Variants in NKAIN3 observed in about 807,000 individuals in gnomAD.
NKAIN3 encodes the protein sodium/potassium-transporting ATPase subunit beta-1-interacting protein 3.
In NKAIN3, 25 loss-of-function variants were observed where a neutral mutation model predicts 30.2. That is an observed-to-expected ratio of 0.83 (90% confidence interval 0.60 to 1.16). The LOEUF is 1.16. NKAIN3 is among the 50% of genes most tolerant of loss of function. The pLI is 0.00. For synonymous variants in NKAIN3, 91 were observed against 89.6 expected (o/e 1.02, Z -0.09); for missense variants, 225 against 254.1 (o/e 0.89, Z 0.78).
chr8:62,685,422 G>A (rs1813769063), intron 3 of NKAIN3, among the ~76,000 whole-genome samples: 2 of 152,116 alleles, frequency 1.3e-5, no homozygotes, highest in Non-Finnish European at 2.9e-5. Context: ...TCACAACTGA[G>A]GAAAGTGATT....
intron 3 of NKAIN3, among the ~76,000 whole-genome samples, chr8:62,707,344 A>G (rs1814564523): frequency 6.6e-6 from 1 of 152,104 alleles, no homozygotes; most frequent in African/African-American, 2.4e-5. Context: ...CTTTCCCACC[A>G]TCAGTGTAGC....
chr8:62,775,161 ATTCT>A (rs1461287533), intron 4 of NKAIN3, among the ~76,000 whole-genome samples: 2 of 151,902 alleles, frequency 1.3e-5, no homozygotes, highest in Admixed American at 6.6e-5. Context: ...AATTTATCTA[ATTCT>A]TCTAAACTTT....
In NKAIN3 at chr8:62,991,131, C is replaced by T. The variant is rs188077193; in HGVS notation, c.533-8100C>T. 3.3e-5 allele frequency: 5 copies of T among 152,356 alleles called. No homozygotes were observed. The East Asian group carries it at 9.7e-4, about 29-fold the overall frequency. The allele number at this position is 152,356 out of a possible 1,614,324, so 9.4% of individuals were successfully genotyped here. On this transcript the variant is annotated intron_variant, in intron 5 of 5. Transcript: ENST00000519049. ...CAATGTTCAGGGAACTGAGAGGAGC[C>T]CTCTGTGGTTGAGCCTAGTAAGTTT...
At chr8:62,263,181 G>A (rs866855801) in intron 1 of NKAIN3, among the ~76,000 whole-genome samples, 1 of 152,006 alleles carries the variant, frequency 6.6e-6, no homozygotes, top group African/African-American at 2.4e-5. Flanking sequence ...TTTAAACTTT[G>A]TATTTTTATA....
At chr8:62,542,381 GT>G (rs202075583) in intron 1 of NKAIN3, among the ~76,000 whole-genome samples, 1 of 151,770 alleles carries the variant, frequency 6.6e-6, no homozygotes, top group South Asian at 2.1e-4. Flanking sequence ...ACTGTTCTTT[GT>G]TTTTTTTGGA....
At chr8:62,343,866 G>A (rs759472812) in intron 1 of NKAIN3, among the ~76,000 whole-genome samples, 2 of 152,010 alleles carry the variant, frequency 1.3e-5, no homozygotes, top group Non-Finnish European at 2.9e-5. Context: ...ATTTGAAAGT[G>A]AGTATAAAAT....
intron 3 of NKAIN3, among the ~76,000 whole-genome samples, chr8:62,668,927 A>G (rs1168154448): frequency 1.3e-5 from 2 of 152,210 alleles, no homozygotes; most frequent in African/African-American, 4.8e-5. Flanking sequence ...GTAAATCAAT[A>G]GCACTTATTT....
chr8:62,280,899 A>G (rs1813155984), intron 1 of NKAIN3, among the ~76,000 whole-genome samples: 1 of 152,182 alleles, frequency 6.6e-6, no homozygotes, highest in Non-Finnish European at 1.5e-5. Context: ...AAAATGAGTT[A>G]GGGAGGATTC....
intron 4 of NKAIN3, among the ~76,000 whole-genome samples, chr8:62,870,276 A>ATAGATATCTATATCTATATATATATATC (rs1820580392): frequency 9.7e-6 from 1 of 103,086 alleles, no homozygotes; most frequent in Non-Finnish European, 2.0e-5. Context: ...ATATAGATAT[A>ATAGATATCTATATCTATATATATATATC]TATAAATATC....
intron 3 of NKAIN3, among the ~76,000 whole-genome samples, chr8:62,615,629 T>A (rs1327834701): frequency 6.6e-6 from 1 of 152,102 alleles, no homozygotes; most frequent in Non-Finnish European, 1.5e-5. Flanking sequence ...AGCAGGGAGG[T>A]TTGCAGGCAC....
intron 4 of NKAIN3, among the ~76,000 whole-genome samples, chr8:62,868,637 T>G (rs1820498501): frequency 1.3e-5 from 2 of 152,226 alleles, no homozygotes; most frequent in African/African-American, 4.8e-5. Flanking sequence ...GCCAGCATTT[T>G]CATGCATGTG....
chr8:62,914,919 G>A (rs573098046), intron 4 of NKAIN3, among the ~76,000 whole-genome samples: 2 of 151,874 alleles, frequency 1.3e-5, no homozygotes, highest in African/African-American at 2.4e-5. Context: ...AGCCCCACAT[G>A]CATTAGGTAT....
intron 1 of NKAIN3, among the ~76,000 whole-genome samples, chr8:62,468,666 T>C (rs1806233211): frequency 6.6e-6 from 1 of 152,254 alleles, no homozygotes; most frequent in Non-Finnish European, 1.5e-5. Flanking sequence ...AAATTTAGTA[T>C]TTATTTATTC....
In NKAIN3 at chr8:62,720,674, G is replaced by A. The variant is rs116386774; in HGVS notation, c.274-26258G>A. Among the ~76,000 whole-genome samples, 443 of 152,120 alleles carry A rather than the reference G, an allele frequency of 2.9e-3. 2 individuals are homozygous for A. Among genetic ancestry groups the A allele is most frequent in the African/African-American group, 0.01 (421 of 41,490 alleles). ...TTTTTCTATAGCATATTCTCCAAAG[G>A]CAATGATGACTGACTCAAGCCATCA... On this transcript the variant is annotated intron_variant, in intron 3 of 6. Coordinates refer to ENST00000623646, the MANE Select transcript of NKAIN3 (RefSeq NM_001304533.3).
At chr8:62,882,538 G>C (rs192115597) in intron 4 of NKAIN3, among the ~76,000 whole-genome samples, 4 of 151,938 alleles carry the variant, frequency 2.6e-5, no homozygotes. Flanking sequence ...GGCTGGTCTC[G>C]AACTCTTTGC....
intron 3 of NKAIN3, among the ~76,000 whole-genome samples, chr8:62,696,454 GA>G (rs139051954): frequency 6.1e-4 from 93 of 152,226 alleles, no homozygotes; most frequent in African/African-American, 2.1e-3. Flanking sequence ...CTAATGAGAA[GA>G]GAATAATACC....
At chr8:62,923,368 TTAAA>T (rs888389623) in intron 5 of NKAIN3, among the ~76,000 whole-genome samples, 1 of 152,132 alleles carries the variant, frequency 6.6e-6, no homozygotes, top group Non-Finnish European at 1.5e-5. Flanking sequence ...GTTTATAGTG[TTAAA>T]TAAATTTTCT....
rs11543864 is a variant in NKAIN3 at position 62,290,552 on chromosome 8, G to A, written c.54+41425G>A. On this transcript the variant is annotated intron_variant, in intron 1 of 6. Coordinates refer to ENST00000623646, the MANE Select transcript of NKAIN3 (RefSeq NM_001304533.3). Reference sequence around the variant, plus strand: ...TATGCTGGATTACGTTTATTGATTTGCATATGTTGAACCAGCCTTGCATCC... The same window carrying A: ...TATGCTGGATTACGTTTATTGATTTACATATGTTGAACCAGCCTTGCATCC... 1.3e-3 allele frequency among the ~76,000 whole-genome samples: 191 copies of A among 152,288 alleles called. 7 individuals carry two copies. In the East Asian group the frequency reaches 0.035, roughly 28 times the overall value.
At chr8:62,660,888 G>T (rs1466513058) in intron 3 of NKAIN3, among the ~76,000 whole-genome samples, 1 of 152,210 alleles carries the variant, frequency 6.6e-6, no homozygotes, top group African/African-American at 2.4e-5. Flanking sequence ...AGCCAGCCCA[G>T]CTGGGGACCA....
Sources: allele counts gnomAD v4.1 joint callset (sites outside exome capture counted in the v4.1 genomes callset), GRCh38; gene constraint gnomAD v4.1.1; transcripts MANE v1.5; gene names NCBI Gene and HGNC (gene_info 2026-07-23, HGNC 2026-07-21).